BACH2: variants seen among roughly 807,000 people sequenced by gnomAD.
The protein encoded by BACH2 is transcription regulator protein BACH2.
In BACH2, 5 loss-of-function variants were observed where a neutral mutation model predicts 61.8. That is an observed-to-expected ratio of 0.08 (90% CI 0.04 to 0.17). The LOEUF (loss-of-function observed/expected upper bound fraction) is 0.17, where lower values mean the gene tolerates loss of function less well. Among genes scored for constraint, BACH2 ranks in the 10% least tolerant of loss-of-function variants. The pLI, the probability that BACH2 is intolerant of heterozygous loss-of-function variation, is 1.00. For missense variants in BACH2, 824 were observed against 1,091.1 expected, an observed-to-expected ratio of 0.76 and a Z score of 3.45; for synonymous variants, 446 against 440.1, an observed-to-expected ratio of 1.01 and a Z score of -0.17.
At chr6:90,001,321 T>C (rs1777122499) in intron 6 of BACH2, 1 of 152,240 alleles carries the variant, frequency 6.6e-6, no homozygotes, top group African/African-American at 2.4e-5. Context: ...TGTATATACT[T>C]GTGAATGAAG....
At chr6:90,128,823 C>T (rs372774845) in intron 4 of BACH2, among the ~76,000 whole-genome samples, 1 of 152,140 alleles carries the variant, frequency 6.6e-6, no homozygotes, top group Admixed American at 6.5e-5. Context: ...AAATGTCCAA[C>T]AATGGTAGAC....
intron 5 of BACH2, among the ~76,000 whole-genome samples, chr6:90,053,874 T>C (rs1780178475): frequency 6.6e-6 from 1 of 152,232 alleles, no homozygotes; most frequent in African/African-American, 2.4e-5. Context: ...TTCACAGTTT[T>C]ACTACGGTAT....
At chr6:90,046,945 T>C (rs117288858) in intron 5 of BACH2, among the ~76,000 whole-genome samples, 2 of 114,328 alleles carry the variant, frequency 1.7e-5, no homozygotes, top group African/African-American at 3.1e-5. Context: ...TTCTTTCTTT[T>C]TTTGAGACAG....
At chr6:89,991,391 G>A (rs1348697984) in intron 6 of BACH2, among the ~76,000 whole-genome samples, 3 of 152,286 alleles carry the variant, frequency 2.0e-5, no homozygotes, top group East Asian at 3.9e-4. Context: ...ACTAGACTGT[G>A]TTAAATCATT....
chr6:90,257,777 T>C (rs1439797345), intron 2 of BACH2, among the ~76,000 whole-genome samples: 1 of 152,054 alleles, frequency 6.6e-6, no homozygotes, highest in Non-Finnish European at 1.5e-5. Flanking sequence ...GTAGTCCCAT[T>C]TATTTATTTT....
chr6:90,237,729 A>C (rs1770307112), intron 3 of BACH2, among the ~76,000 whole-genome samples: 1 of 152,224 alleles, frequency 6.6e-6, no homozygotes, highest in African/African-American at 2.4e-5. Context: ...AGATCTCTAA[A>C]TAAATAAGTT....
At chr6:89,954,702 G>C (rs149100818) in intron 6 of BACH2, among the ~76,000 whole-genome samples, 31 of 152,078 alleles carry the variant, frequency 2.0e-4, no homozygotes, top group Non-Finnish European at 3.1e-4. Flanking sequence ...TCTCCGCTCA[G>C]GGACGAGCTG....
intron 6 of BACH2, among the ~76,000 whole-genome samples, chr6:89,988,712 G>A (rs1241084467): frequency 5.9e-5 from 9 of 152,130 alleles, no homozygotes; most frequent in Admixed American, 3.9e-4. Flanking sequence ...ACTCATGGTC[G>A]ATATCCAATA....
At chr6:90,026,423 G>A (rs1047292805) in intron 5 of BACH2, among the ~76,000 whole-genome samples, 2 of 152,190 alleles carry the variant, frequency 1.3e-5, no homozygotes, top group African/African-American at 4.8e-5. Context: ...GAGTTTCCAT[G>A]TGAAGTCAAG....
intron 4 of BACH2, among the ~76,000 whole-genome samples, chr6:90,168,678 A>G (rs1450301776): frequency 1.3e-5 from 2 of 152,234 alleles, no homozygotes. Context: ...TCCAAACAAC[A>G]TAATAACTAT....
chr6:90,062,057 A>G (rs1780712947), intron 5 of BACH2, among the ~76,000 whole-genome samples: 1 of 152,202 alleles, frequency 6.6e-6, no homozygotes, highest in African/African-American at 2.4e-5. Flanking sequence ...AATGGGAAAG[A>G]TTTAGTACAA....
At chr6:89,980,803 T>G (rs1469997189) in intron 6 of BACH2, among the ~76,000 whole-genome samples, 1 of 152,242 alleles carries the variant, frequency 6.6e-6, no homozygotes, top group African/African-American at 2.4e-5. Flanking sequence ...GGTTTCTTTC[T>G]GTTTATCTTG....
chr6:90,225,546 T>A (rs573364933), intron 3 of BACH2, among the ~76,000 whole-genome samples: 19 of 152,026 alleles, frequency 1.2e-4, no homozygotes, highest in Non-Finnish European at 2.6e-4. Flanking sequence ...TTCACACTTA[T>A]ACGTGGGAGC....
intron 5 of BACH2, among the ~76,000 whole-genome samples, chr6:90,014,438 G>GTATATATA (rs1777911285): frequency 1.4e-5 from 1 of 73,176 alleles, no homozygotes; most frequent in African/African-American, 7.7e-5. Context: ...GTGTGTGTGT[G>GTATATATA]TGTATATATA....
At position 90,133,332 on chromosome 6, in the gene BACH2, A is replaced by G. The variant is rs1784141459; in HGVS notation, c.-161-44223T>C. 1.3e-5 allele frequency among the ~76,000 whole-genome samples: 2 copies of G among 152,180 alleles called. 1 individual carries two copies. On this transcript the variant is annotated intron_variant, in intron 4 of 8. Coordinates refer to ENST00000257749, the MANE Select transcript of BACH2 (RefSeq NM_021813.4). Reference sequence around the variant, plus strand: ...GATGTAACTGGCCCCTCTGGGTGGAAGACACAGCAGAATTGAATAAACCCA... The same window carrying G: ...GATGTAACTGGCCCCTCTGGGTGGAGGACACAGCAGAATTGAATAAACCCA...
At chr6:90,208,027 T>C (rs1220044731) in intron 3 of BACH2, among the ~76,000 whole-genome samples, 7 of 152,224 alleles carry the variant, frequency 4.6e-5, no homozygotes, top group Admixed American at 4.6e-4. Context: ...TCCTTGGCTA[T>C]TTGAAATACA....
chr6:90,196,294 A>C (rs1357628136), intron 4 of BACH2, among the ~76,000 whole-genome samples: 1 of 152,242 alleles, frequency 6.6e-6, no homozygotes, highest in Non-Finnish European at 1.5e-5. Flanking sequence ...ATTTCTTATT[A>C]AATAAAAAAG....
chr6:90,167,442 G>A (rs542121677), intron 4 of BACH2, among the ~76,000 whole-genome samples: 2 of 152,054 alleles, frequency 1.3e-5, no homozygotes, highest in East Asian at 1.9e-4. Flanking sequence ...TGCAACCTTT[G>A]CCTCCTGGGT....
chr6:90,181,504 T>C (rs1272884631), intron 4 of BACH2, among the ~76,000 whole-genome samples: 1 of 152,102 alleles, frequency 6.6e-6, no homozygotes, highest in Non-Finnish European at 1.5e-5. Context: ...GTATATGCTA[T>C]TATCACATTT....
Sources: allele counts gnomAD v4.1 joint callset (sites outside exome capture counted in the v4.1 genomes callset), GRCh38; gene constraint gnomAD v4.1.1; transcripts MANE v1.5; gene names NCBI Gene and HGNC (gene_info 2026-07-23, HGNC 2026-07-21).